UGT2A1: variants seen among roughly 807,000 people sequenced by gnomAD.
UGT2A1 encodes the protein UDP glucuronosyltransferase family 2 member A1 complex locus, also known as UDP-glucuronosyltransferase 2A1.
A neutral mutation model predicts 45.4 loss-of-function variants in UGT2A1; 61 were observed. The observed-to-expected ratio is 1.34, with a 90% CI of 1.09 to 1.66. The LOEUF (loss-of-function observed/expected upper bound fraction) is 1.66. UGT2A1 is among the 40% of genes most tolerant of loss of function. The pLI is 0.00. For synonymous variants in UGT2A1, 229 were observed against 196.2 expected (o/e 1.17, Z -1.40); for missense variants, 649 against 574.3 (o/e 1.13, Z -1.33).
rs767385475 is a variant in UGT2A1, at chr4:69,589,360, C to A, written c.*12G>T. ...AAACTTAAAAATATATATATTTCCT[C>A]TTTTTCTTGACCTATTCTCTTTTTT... On this transcript the variant is annotated 3_prime_UTR_variant, in exon 7 of 7. Transcript: ENST00000286604. 1.1e-5 allele frequency: 17 copies of A among 1,598,590 alleles called. 1 individual carries two copies. The South Asian group carries it at 1.6e-4, about 15-fold the overall frequency.
intron 3 of UGT2A1, among the ~76,000 whole-genome samples, chr4:69,625,670 A>C (rs1721015351): frequency 6.6e-6 from 1 of 151,184 alleles, no homozygotes; most frequent in Non-Finnish European, 1.5e-5. Context: ...GCCATACCCT[A>C]TTTTTGTTTT....
chr4:69,595,415 T>A (rs781356527), intron 4 of UGT2A1, among the ~76,000 whole-genome samples, 166 bp from the exon 5 acceptor site: 1 of 152,218 alleles, frequency 6.6e-6, no homozygotes, highest in Non-Finnish European at 1.5e-5. Flanking sequence ...ATATGTACCT[T>A]TTTGTAAAGT....
chr4:69,650,551 A>C (rs1396667650), intron 1 of UGT2A1, among the ~76,000 whole-genome samples: 1 of 152,054 alleles, frequency 6.6e-6, no homozygotes, highest in Non-Finnish European at 1.5e-5. Flanking sequence ...AAAGTAATAA[A>C]ATAAAATAAA....
chr4:69,645,987 G>A (rs943246050), intron 2 of UGT2A1, among the ~76,000 whole-genome samples: 1 of 151,722 alleles, frequency 6.6e-6, no homozygotes, highest in Non-Finnish European at 1.5e-5. Context: ...TGCATTATCT[G>A]AACTCTGAAG....
At position 69,639,201 on chromosome 4, in the gene UGT2A1, C is replaced by T. The variant is rs766599220; in HGVS notation, c.716-3379G>A. The T allele has an allele frequency of 2.4e-5, 39 of 1,613,698 alleles. No homozygotes were observed. The Middle Eastern group carries it at 2.0e-3, about 82-fold the overall frequency. ...CACATCAAAACCACCTTTCTGAAGTCTTGCCATCAACTTTGGGTTCTTTAG... is the reference window on the plus strand; with the variant it reads ...CACATCAAAACCACCTTTCTGAAGTTTTGCCATCAACTTTGGGTTCTTTAG... On this transcript the variant is annotated intron_variant, in intron 2 of 6. Transcript: ENST00000286604.
At chr4:69,652,642 G>A (rs1174153976) in intron 1 of UGT2A1, among the ~76,000 whole-genome samples, 1 of 151,716 alleles carries the variant, frequency 6.6e-6, no homozygotes, top group Non-Finnish European at 1.5e-5. Context: ...TAAAACATTT[G>A]ACTTATATTT....
intron 2 of UGT2A1, among the ~76,000 whole-genome samples, chr4:69,645,936 C>A (rs1429362510): frequency 1.3e-5 from 2 of 151,706 alleles, no homozygotes; most frequent in Non-Finnish European, 3.0e-5. Context: ...CCATTCTTAC[C>A]TTGCAGAAAA....
chr4:69,639,157 T>C (rs1310853606), intron 2 of UGT2A1: 1 of 1,613,570 alleles, frequency 6.2e-7, no homozygotes, highest in African/African-American at 1.3e-5. Context: ...CCACAGATTG[T>C]TACTGGGTCT....
chr4:69,628,730 A>G lies in UGT2A1; in HGVS notation c.847+6961T>C, dbSNP rs915703295. On this transcript the variant is annotated intron_variant, in intron 3 of 6. Transcript: ENST00000286604. ...TTAAAAGCAAATATATGAATGATCT[A>G]GAATGCCTACTTCTACTTAATACTA... is the stretch of plus-strand genomic sequence containing the variant. Among the ~76,000 whole-genome samples, 3 of 148,528 alleles carry G rather than the reference A, an allele frequency of 2.0e-5. No individual in the cohort carries two copies. In the Admixed American group the frequency reaches 2.1e-4, roughly 10 times the overall value.
At chr4:69,600,805 C>T (rs528704369) in intron 3 of UGT2A1, among the ~76,000 whole-genome samples, 22 of 127,836 alleles carry the variant, frequency 1.7e-4, no homozygotes, top group Non-Finnish European at 2.7e-4. Context: ...AGGTGCTATA[C>T]ACTTAAAAAA....
intron 3 of UGT2A1, among the ~76,000 whole-genome samples, chr4:69,608,125 G>C (rs939930722): frequency 6.6e-6 from 1 of 152,138 alleles, no homozygotes; most frequent in Non-Finnish European, 1.5e-5. Context: ...GCACACGTAT[G>C]TTTATTGCAG....
At chr4:69,621,811 C>G (rs1720772896) in intron 3 of UGT2A1, among the ~76,000 whole-genome samples, 1 of 151,844 alleles carries the variant, frequency 6.6e-6, no homozygotes, top group Non-Finnish European at 1.5e-5. Flanking sequence ...TCATAGAAAA[C>G]TACACAGCCA....
intron 3 of UGT2A1, among the ~76,000 whole-genome samples, chr4:69,626,328 A>G (rs1721057832): frequency 6.6e-6 from 1 of 151,190 alleles, no homozygotes. Context: ...TATTTGGATG[A>G]TGTTTGGAGA....
At position 69,601,772 on chromosome 4, in the gene UGT2A1, A is replaced by G. The variant is rs772184175; in HGVS notation, c.848-2378T>C. ...CTGATGGGAGACTAGAGGACAGGTC[A>G]TATCACTGGATCCCTTGCAGACATT... On this transcript the variant is annotated intron_variant, in intron 3 of 6. Coordinates refer to ENST00000286604, the MANE Select transcript of UGT2A1 (RefSeq NM_001252275.3). Among the ~76,000 whole-genome samples the G allele has an allele frequency of 8.0e-5, 7 of 87,184 alleles. 1 individual carries two copies. Among genetic ancestry groups the G allele is most frequent in the Non-Finnish European group, 1.6e-4 (7 of 43,628 alleles). 57.2% of individuals were successfully genotyped at this position (87,184 alleles called of 152,430 possible).
chr4:69,645,664 C>T (rs915982764), intron 2 of UGT2A1, among the ~76,000 whole-genome samples: 6 of 151,708 alleles, frequency 4.0e-5, no homozygotes, highest in South Asian at 2.1e-4. Context: ...AAGTGTTTTA[C>T]GTAAAATGAA....
At chr4:69,590,721 G>T (rs1262665108) in intron 6 of UGT2A1, among the ~76,000 whole-genome samples, 1 of 151,930 alleles carries the variant, frequency 6.6e-6, no homozygotes, top group Non-Finnish European at 1.5e-5. Context: ...TGGATCATCC[G>T]AATATACTTT....
chr4:69,607,233 G>A (rs1271028541), intron 3 of UGT2A1, among the ~76,000 whole-genome samples: 1 of 140,968 alleles, frequency 7.1e-6, no homozygotes, highest in Non-Finnish European at 1.6e-5. Context: ...AAAGACCAAT[G>A]GAACAGAACA....
intron 3 of UGT2A1, among the ~76,000 whole-genome samples, chr4:69,622,314 T>C (rs966277479): frequency 3.3e-5 from 5 of 151,768 alleles, no homozygotes; most frequent in Non-Finnish European, 7.4e-5. Context: ...GAAATTGGCA[T>C]ACAAAAAGTT....
chr4:69,651,213 GGTT>G (rs1722508249), intron 1 of UGT2A1, among the ~76,000 whole-genome samples: 2 of 152,090 alleles, frequency 1.3e-5, no homozygotes, highest in South Asian at 4.1e-4. Context: ...GGCTTAAAGA[GGTT>G]GTTAAGTAAA....
Sources: gnomAD v4.1 joint callset for allele counts (sites outside exome capture counted in the v4.1 genomes callset) on GRCh38, gnomAD v4.1.1 for gene constraint, MANE v1.5 for transcripts, NCBI Gene and HGNC (gene_info 2026-07-23, HGNC 2026-07-21) for gene names.